The following SDK1 variants were observed in gnomAD, a reference collection of about 807,000 sequenced individuals.
The protein encoded by SDK1 is protein sidekick-1.
SDK1 carries 157 observed loss-of-function variants against 245.5 expected under a neutral mutation model. The ratio of observed to expected loss-of-function variants is 0.64; its 90% CI spans 0.56 to 0.73. The LOEUF (loss-of-function observed/expected upper bound fraction) is 0.73, where lower values mean the gene tolerates loss of function less well. Ranked by LOEUF, SDK1 falls within the 30% of genes least tolerant of loss-of-function variation. The pLI is 0.00. For missense variants in SDK1, 3,583 were observed against 3,002.3 expected (o/e 1.19, Z -4.52); for synonymous variants, 1,647 against 1,278.5 (o/e 1.29, Z -6.15).
intron 1 of SDK1, among the ~76,000 whole-genome samples, chr7:3,615,471 T>G (rs1052574297): frequency 1.3e-5 from 2 of 151,758 alleles, no homozygotes; most frequent in Admixed American, 6.6e-5. Flanking sequence ...AACTCCTGAC[T>G]TTGAGTTACA....
chr7:4,263,204 T>C (rs111793871), intron 44 of SDK1, among the ~76,000 whole-genome samples: 116 of 57,154 alleles, frequency 2.0e-3, no homozygotes, highest in African/African-American at 8.5e-3. Flanking sequence ...CCCGCTTCCC[T>C]GTACCTGGTC....
intron 1 of SDK1, among the ~76,000 whole-genome samples, chr7:3,527,193 T>G (rs905549228): frequency 6.6e-6 from 1 of 152,242 alleles, no homozygotes; most frequent in Non-Finnish European, 1.5e-5. Flanking sequence ...ATTTTCCAAA[T>G]GTCCACAACG....
chr7:3,338,909 CAG>C lies in SDK1; in HGVS notation c.298+37027_298+37028del, dbSNP rs780019379. ...ATAATCCACAGGAAGAAAGGAGAAA[CAG>C]AAGAAACAAAATAACAGAAATAATT... On this transcript the variant is annotated intron_variant, in intron 1 of 44. Coordinates refer to ENST00000404826, the MANE Select transcript of SDK1 (RefSeq NM_152744.4). Among the ~76,000 whole-genome samples the C allele has an allele frequency of 2.3e-4, 35 of 152,138 alleles. No homozygotes were observed. In the East Asian group the frequency reaches 5.8e-3, roughly 25 times the overall value.
At chr7:3,899,707 T>C (rs1008005380) in intron 5 of SDK1, among the ~76,000 whole-genome samples, 1 of 152,226 alleles carries the variant, frequency 6.6e-6, no homozygotes, top group Non-Finnish European at 1.5e-5. Context: ...GCACCTCCTC[T>C]GTCGGCCATC....
chr7:4,085,995 C>T (rs942354334), intron 22 of SDK1, among the ~76,000 whole-genome samples: 7 of 152,230 alleles, frequency 4.6e-5, no homozygotes, highest in Non-Finnish European at 1.0e-4. Context: ...TACCCTGTTG[C>T]CTGTCTGCCA....
At chr7:3,769,020 C>T (rs150611593) in intron 4 of SDK1, among the ~76,000 whole-genome samples, 49 of 152,270 alleles carry the variant, frequency 3.2e-4, no homozygotes, top group Middle Eastern at 6.8e-3. Context: ...AATTATGCCA[C>T]GTTCTCTTGG....
intron 5 of SDK1, among the ~76,000 whole-genome samples, chr7:3,893,624 A>C (rs944358988): frequency 2.0e-5 from 3 of 151,598 alleles, no homozygotes; most frequent in Non-Finnish European, 4.4e-5. Context: ...TCCTCTTGAG[A>C]ATCTCCTTCA....
chr7:3,997,592 G>A (rs966557890), intron 14 of SDK1, among the ~76,000 whole-genome samples: 3 of 152,196 alleles, frequency 2.0e-5, no homozygotes, highest in Non-Finnish European at 4.4e-5. Context: ...GCAGAGGGTA[G>A]CTCCTCTTTA....
intron 1 of SDK1, among the ~76,000 whole-genome samples, chr7:3,317,257 A>G (rs77882599): frequency 0.031 from 4,690 of 149,886 alleles, 170 homozygotes; most frequent in Non-Finnish European, 0.038. Flanking sequence ...TTCGAATCCT[A>G]TTTTACATAA....
chr7:3,588,881 C>G (rs1228966076), intron 1 of SDK1, among the ~76,000 whole-genome samples: 1 of 152,284 alleles, frequency 6.6e-6, no homozygotes, highest in East Asian at 1.9e-4. Flanking sequence ...CCTTTCTCTT[C>G]ATAGTCATTT....
At position 4,236,773 on chromosome 7, in the gene SDK1, G is replaced by A. The variant is rs770816801; in HGVS notation, c.5993-874G>A. On this transcript the variant is annotated intron_variant, in intron 41 of 44. Transcript: ENST00000404826. ...AACAGGTGGAATGTGAGTGCTGTGC[G>A]CAGGCAGGAGGTGGTGACGGAGAAG... Among the ~76,000 whole-genome samples the A allele has an allele frequency of 2.6e-5, 4 of 152,262 alleles. No individual in the cohort carries two copies. In the South Asian group the frequency reaches 6.2e-4, roughly 24 times the overall value.
chr7:4,170,567 T>C (rs1398532749), intron 32 of SDK1, among the ~76,000 whole-genome samples: 2 of 152,180 alleles, frequency 1.3e-5, no homozygotes, highest in Non-Finnish European at 2.9e-5. Context: ...TCTCTGGTGG[T>C]GCTTTCATCA....
At position 3,959,147 on chromosome 7, in the gene SDK1, A is replaced by G; in HGVS notation, c.1234+133A>G. The G allele has an allele frequency of 8.1e-6, 6 of 743,862 alleles. No homozygotes were observed. The South Asian group carries it at 9.4e-5, about 12-fold the overall frequency. 46.1% of individuals were successfully genotyped at this position (743,862 alleles called of 1,614,324 possible). ...GCGAAGAGCAGACTTCAGAGAGTAG[A>G]TCGGTCTTGGGGCAGTGACTGTGGG... On this transcript the variant is annotated intron_variant, in intron 8 of 44. Coordinates refer to ENST00000404826, the MANE Select transcript of SDK1 (RefSeq NM_152744.4).
chr7:3,666,456 C>T (rs955921159), intron 4 of SDK1, among the ~76,000 whole-genome samples: 2 of 152,168 alleles, frequency 1.3e-5, no homozygotes, highest in Admixed American at 1.3e-4. Context: ...TCTCTGAGAC[C>T]ATTTCCCAGG....
chr7:3,410,130 A>T lies in SDK1; in HGVS notation c.298+108246A>T, dbSNP rs80172600. On this transcript the variant is annotated intron_variant, in intron 1 of 44. Transcript: ENST00000404826. ...AATACTTAAGTGTTATCATAATCAC[A>T]TTTTAATTCAGTATCCCTTTGGAAA... Among the ~76,000 whole-genome samples the T allele has an allele frequency of 9.7e-3, 1,475 of 152,322 alleles. 24 individuals are homozygous for T. The highest frequency in any genetic ancestry group is 0.033 in the African/African-American group (1,389 of 41,562).
chr7:3,383,139 C>T (rs969974541), intron 1 of SDK1, among the ~76,000 whole-genome samples: 2 of 152,154 alleles, frequency 1.3e-5, no homozygotes, highest in African/African-American at 4.8e-5. Flanking sequence ...AAGCTGAGTG[C>T]AGTGGCTCAG....
In SDK1 at chr7:4,261,615, G is replaced by A. The variant is rs530317490; in HGVS notation, c.6382-3509G>A. Among the ~76,000 whole-genome samples the A allele has an allele frequency of 9.5e-4, 144 of 152,234 alleles. 1 individual carries two copies. Among genetic ancestry groups the A allele is most frequent in the Non-Finnish European group, 1.8e-3 (122 of 68,002 alleles). On this transcript the variant is annotated intron_variant, in intron 44 of 44. Coordinates refer to ENST00000404826, the MANE Select transcript of SDK1 (RefSeq NM_152744.4). ...GCCTGTAAAAGAATGCACATTCCCC[G>A]GCCTCCGACAGACCCACAGAGTCAG...
intron 18 of SDK1, among the ~76,000 whole-genome samples, chr7:4,051,409 T>C (rs1383780920): frequency 6.6e-6 from 1 of 151,318 alleles, no homozygotes; most frequent in Non-Finnish European, 1.5e-5. Context: ...AGTAGTTATT[T>C]ACATATACAA....
At chr7:3,821,109 T>C (rs1779634098) in intron 4 of SDK1, among the ~76,000 whole-genome samples, 2 of 152,204 alleles carry the variant, frequency 1.3e-5, no homozygotes, top group South Asian at 4.1e-4. Flanking sequence ...GGATTCCTTC[T>C]AACTGGTCTT....
Sources: allele counts gnomAD v4.1 joint callset (sites outside exome capture counted in the v4.1 genomes callset), GRCh38; gene constraint gnomAD v4.1.1; transcripts MANE v1.5; gene names NCBI Gene and HGNC (gene_info 2026-07-23, HGNC 2026-07-21).